RBM47: variants seen among roughly 807,000 people sequenced by gnomAD.
RBM47 encodes the protein RNA-binding protein 47.
RBM47 carries 21 observed loss-of-function variants against 47.1 expected under a neutral mutation model. That is an observed-to-expected ratio of 0.45 (90% CI 0.32 to 0.64). The LOEUF is 0.64. Ranked by LOEUF, RBM47 falls within the 30% of genes least tolerant of loss-of-function variation. The pLI, the probability that RBM47 is intolerant of heterozygous loss-of-function variation, is 0.05. For missense variants in RBM47, 708 were observed against 870.9 expected (o/e 0.81, Z 2.35); for synonymous variants, 375 against 361.7 (o/e 1.04, Z -0.42).
rs1721812596 is a variant in RBM47 at position 40,491,136 on chromosome 4, T to C, written c.-154-24437A>G. On this transcript the variant is annotated intron_variant, in intron 2 of 6. Transcript: ENST00000295971. ...TGGCATAAGGATGGCCATAGGACAATAGATTCGAAATGAGAGTTCAGGGAA... is the reference window on the plus strand; with the variant it reads ...TGGCATAAGGATGGCCATAGGACAACAGATTCGAAATGAGAGTTCAGGGAA... Among the ~76,000 whole-genome samples, 3 of 152,110 alleles carry C rather than the reference T, an allele frequency of 2.0e-5. No homozygotes were observed. In the South Asian group the frequency reaches 6.2e-4, roughly 32 times the overall value.
At chr4:40,593,893 A>AAT (rs1422553529) in intron 1 of RBM47, among the ~76,000 whole-genome samples, 1 of 150,400 alleles carries the variant, frequency 6.6e-6, no homozygotes, top group Non-Finnish European at 1.5e-5. Flanking sequence ...CAAAAAAAAA[A>AAT]AAAAAAATTA....
At chr4:40,630,027 T>G (rs564038373), upstream of RBM47, 1 of 152,620 alleles carries the variant, frequency 6.6e-6, no homozygotes, top group South Asian at 2.1e-4. Flanking sequence ...AAATCTGCCC[T>G]GAAATTTTAT....
intron 4 of RBM47, 55 bp from the exon 5 acceptor site, chr4:40,436,702 C>A: frequency 6.4e-7 from 1 of 1,563,586 alleles, no homozygotes; most frequent in Non-Finnish European, 8.8e-7. Context: ...GTGCTGGAGG[C>A]AGACCTCAGC....
Position 40,437,884 on chromosome 4 carries a change from G to T in RBM47, c.1010C>A (p.Ala337Asp). Residue 337 changes from alanine (A) to aspartate (D), a missense_variant, in exon 4 of 7, where the codon GCT becomes GAT. Ala to Asp is a moderately radical substitution (Grantham distance 126). Coordinates refer to ENST00000295971, the MANE Select transcript of RBM47 (RefSeq NM_001098634.2). Reference sequence around the variant, plus strand: ...GTAGCTGGGCTGCTGCGCTGCCTCAGCCGCGCCGCCGCCCCTGGCTGCCTT... The same window carrying T: ...GTAGCTGGGCTGCTGCGCTGCCTCATCCGCGCCGCCGCCCCTGGCTGCCTT... ...YQKAARGGGA[A>D]EAAQQPSYVY... 1 of 1,613,940 alleles carries T rather than the reference G, an allele frequency of 6.2e-7. No individual in the cohort carries two copies.
chr4:40,516,903 A>G (rs1326222866), intron 2 of RBM47, among the ~76,000 whole-genome samples: 2 of 151,894 alleles, frequency 1.3e-5, no homozygotes, highest in Non-Finnish European at 2.9e-5. Flanking sequence ...CCTTATTCTA[A>G]TGTTAGGGTT....
At chr4:40,461,504 T>C (rs1466068283) in intron 3 of RBM47, among the ~76,000 whole-genome samples, 1 of 152,196 alleles carries the variant, frequency 6.6e-6, no homozygotes, top group East Asian at 1.9e-4. Flanking sequence ...AATCCCTTTT[T>C]ATGGCAAAGA....
intron 2 of RBM47, among the ~76,000 whole-genome samples, chr4:40,513,879 C>G (rs1001233244): frequency 2.1e-4 from 32 of 151,994 alleles, no homozygotes; most frequent in South Asian, 4.2e-4. Context: ...CCACCATGCC[C>G]GGCTAATTTT....
At chr4:40,562,242 T>C (rs1220599829) in intron 1 of RBM47, among the ~76,000 whole-genome samples, 1 of 151,798 alleles carries the variant, frequency 6.6e-6, no homozygotes, top group African/African-American at 2.4e-5. Context: ...CAAAGAAAAA[T>C]GTGTCTCTCA....
intron 6 of RBM47, 133 bp downstream of exon 6, chr4:40,432,518 G>A: frequency 3.4e-6 from 5 of 1,450,378 alleles, no homozygotes; most frequent in Non-Finnish European, 4.7e-6. Flanking sequence ...AATTCAAAAT[G>A]CTTTGTGTCA....
intron 1 of RBM47, among the ~76,000 whole-genome samples, chr4:40,592,969 ATATATATATATT>A (rs1734353692): frequency 9.0e-5 from 2 of 22,264 alleles, no homozygotes; most frequent in African/African-American, 2.1e-4. Flanking sequence ...ATATATATAT[ATATATATATATT>A]TTTTTTTTTT....
intron 6 of RBM47, among the ~76,000 whole-genome samples, chr4:40,430,100 C>A (rs2154209138): frequency 1.3e-5 from 2 of 152,150 alleles, no homozygotes; most frequent in South Asian, 4.1e-4. Context: ...GAGGCTGAGG[C>A]CGGAGAATCG....
At chr4:40,565,926 G>GC (rs1187540740) in intron 1 of RBM47, among the ~76,000 whole-genome samples, 10 of 151,914 alleles carry the variant, frequency 6.6e-5, no homozygotes, top group Admixed American at 6.6e-4. Context: ...AAACTAGCCC[G>GC]GCGCGGTGGC....
At chr4:40,567,146 C>T (rs143534959) in intron 1 of RBM47, among the ~76,000 whole-genome samples, 17 of 151,854 alleles carry the variant, frequency 1.1e-4, no homozygotes, top group African/African-American at 3.6e-4. Context: ...AAGATTTGAG[C>T]CCAAATCTAA....
intron 1 of RBM47, among the ~76,000 whole-genome samples, chr4:40,570,679 T>C (rs1018206013): frequency 6.6e-6 from 1 of 151,930 alleles, no homozygotes; most frequent in African/African-American, 2.4e-5. Context: ...TGAAGAGCAA[T>C]AAAAATGATA....
At chr4:40,534,884 G>C (rs9999707) in intron 2 of RBM47, among the ~76,000 whole-genome samples, 62,275 of 149,954 alleles carry the variant, frequency 0.42, 15,687 homozygotes, top group African/African-American at 0.71. Context: ...GCAGTGAGCC[G>C]AGATCGTGCC....
rs531568214 is a variant in RBM47 at position 40,588,256 on chromosome 4, G to C, written c.-240+41140C>G. ...TACAGGGTGAGTCCAGCAGGCTTTG[G>C]GGGGAACATTCCAGCTTCCCAGGGC... is the stretch of plus-strand genomic sequence containing the variant. On this transcript the variant is annotated intron_variant, in intron 1 of 6. Coordinates refer to ENST00000295971, the MANE Select transcript of RBM47 (RefSeq NM_001098634.2). 3.3e-5 allele frequency among the ~76,000 whole-genome samples: 5 copies of C among 152,274 alleles called. No homozygotes were observed. In the East Asian group the frequency reaches 5.8e-4, roughly 18 times the overall value.
intron 3 of RBM47, among the ~76,000 whole-genome samples, chr4:40,446,283 G>C (rs1331612811): frequency 6.6e-6 from 1 of 152,188 alleles, no homozygotes; most frequent in Non-Finnish European, 1.5e-5. Flanking sequence ...GGCACAGAGA[G>C]GCTAAGTAGA....
At chr4:40,493,379 T>C (rs1048491508) in intron 2 of RBM47, among the ~76,000 whole-genome samples, 2 of 152,202 alleles carry the variant, frequency 1.3e-5, no homozygotes, top group East Asian at 1.9e-4. Context: ...CTGGGGTGGA[T>C]GTAAGACTTC....
chr4:40,594,231 T>C (rs952287587), intron 1 of RBM47, among the ~76,000 whole-genome samples: 34 of 152,104 alleles, frequency 2.2e-4, no homozygotes, highest in Admixed American at 1.3e-4. Flanking sequence ...TGGTCAGGAA[T>C]ATTTCTCTTA....
Sources: allele counts gnomAD v4.1 joint callset (sites outside exome capture counted in the v4.1 genomes callset), GRCh38; gene constraint gnomAD v4.1.1; transcripts MANE v1.5; gene names NCBI Gene and HGNC (gene_info 2026-07-23, HGNC 2026-07-21).